The following SEL1L2 variants were observed in gnomAD, a reference collection of about 807,000 sequenced individuals.
The protein encoded by SEL1L2 is SEL1L2 adaptor subunit of SYVN1 ubiquitin ligase, also known as protein sel-1 homolog 2.
In SEL1L2, 89 loss-of-function variants were observed where a neutral mutation model predicts 98.8. The observed-to-expected ratio is 0.90, with a 90% confidence interval of 0.76 to 1.07. The LOEUF (loss-of-function observed/expected upper bound fraction) is 1.07, where lower values mean the gene tolerates loss of function less well. Among genes scored for constraint, SEL1L2 ranks in the 50% least tolerant of loss-of-function variants. SEL1L2 has a pLI of 0.00. For synonymous variants in SEL1L2, 262 were observed against 278.5 expected (o/e 0.94, Z 0.59); for missense variants, 788 against 812.0 (o/e 0.97, Z 0.36).
intron 2 of SEL1L2, among the ~76,000 whole-genome samples, chr20:13,952,985 C>G (rs944664799): frequency 3.7e-4 from 56 of 152,222 alleles, no homozygotes; most frequent in African/African-American, 1.3e-3. Context: ...TTCTTTTTTC[C>G]TCCTCTTTCC....
intron 11 of SEL1L2, among the ~76,000 whole-genome samples, chr20:13,877,181 G>T (rs1379703991): frequency 6.6e-6 from 1 of 152,148 alleles, no homozygotes; most frequent in Non-Finnish European, 1.5e-5. Context: ...TGTTATATGG[G>T]GCTTCTTCCC....
At chr20:13,956,245 A>G (rs1448900971) in intron 1 of SEL1L2, 114 bp from the exon 2 acceptor site, 1 of 574,298 alleles carries the variant, frequency 1.7e-6, no homozygotes, top group African/African-American at 2.0e-5. Flanking sequence ...CTCTAAGAAT[A>G]ATTGTTGACA....
intron 2 of SEL1L2, among the ~76,000 whole-genome samples, chr20:13,942,810 T>C (rs2148380535): frequency 6.6e-6 from 1 of 152,326 alleles, no homozygotes; most frequent in Non-Finnish European, 1.5e-5. Context: ...GGCTGGCAAT[T>C]TTAAACTTTA....
chr20:13,919,217 G>T, intron 3 of SEL1L2, 94 bp from the exon 4 acceptor site: 1 of 722,638 alleles, frequency 1.4e-6, no homozygotes, highest in Admixed American at 3.0e-5. Context: ...GCATATTAGA[G>T]TTCTGTTCTA....
chr20:13,889,974 T>G (rs983852697), intron 5 of SEL1L2, among the ~76,000 whole-genome samples: 2 of 152,140 alleles, frequency 1.3e-5, no homozygotes, highest in African/African-American at 4.8e-5. Context: ...ACAGGGACAA[T>G]GATTTAATTA....
intron 1 of SEL1L2, among the ~76,000 whole-genome samples, chr20:13,959,219 G>C (rs768770185): frequency 6.6e-6 from 1 of 152,070 alleles, no homozygotes; most frequent in Non-Finnish European, 1.5e-5. Context: ...AACATTTCTC[G>C]ATTGGATTGT....
intron 1 of SEL1L2, among the ~76,000 whole-genome samples, chr20:13,974,560 C>G (rs1261592077): frequency 7.3e-6 from 1 of 137,364 alleles, no homozygotes; most frequent in Admixed American, 8.1e-5. Flanking sequence ...CTTACTGCAA[C>G]CTCCGCCTCC....
intron 2 of SEL1L2, among the ~76,000 whole-genome samples, chr20:13,942,169 C>T (rs1672312673): frequency 6.6e-6 from 1 of 152,100 alleles, no homozygotes; most frequent in Admixed American, 6.6e-5. Context: ...GAGATGCTAT[C>T]GAGATATAAT....
In SEL1L2 at chr20:13,849,491, A is replaced by G. The variant is rs2073290; in HGVS notation, c.2061T>C (p.His687=). The stretch of plus-strand genomic sequence containing the variant: ...TTTTCCTGTGATCCGCATCCTACCC[A>G]TGGTGATTTCTAAGCAACAAAATCA... ...PGLILLLRNH[H]G Residue 687 remains histidine, a synonymous_variant, in exon 20 of 20, where the codon CAT becomes CAC. Transcript: ENST00000284951. The G allele has an allele frequency of 1.2e-6, 2 of 1,613,776 alleles. No homozygotes were observed. The highest frequency in any genetic ancestry group is 2.2e-5 in the East Asian group (1 of 44,870).
chr20:13,877,667 A>G, intron 10 of SEL1L2, 79 bp from the exon 11 acceptor site: 1 of 1,085,338 alleles, frequency 9.2e-7, no homozygotes, highest in South Asian at 1.3e-5. Context: ...AACTTTATTC[A>G]ATATGCATTC....
intron 2 of SEL1L2, among the ~76,000 whole-genome samples, chr20:13,954,344 G>A (rs1177801159): frequency 6.6e-6 from 1 of 152,100 alleles, no homozygotes; most frequent in Non-Finnish European, 1.5e-5. Context: ...AGTTCAGTGA[G>A]CTGAGGATAC....
At chr20:13,982,079 T>G (rs183708245) in intron 1 of SEL1L2, among the ~76,000 whole-genome samples, 1 of 152,290 alleles carries the variant, frequency 6.6e-6, no homozygotes, top group East Asian at 1.9e-4. Context: ...ACTGTGAGAT[T>G]GATGAGCTAT....
chr20:13,961,842 T>A (rs146591040), intron 1 of SEL1L2, among the ~76,000 whole-genome samples: 5 of 152,324 alleles, frequency 3.3e-5, no homozygotes, highest in Admixed American at 3.3e-4. Flanking sequence ...AACATGCACC[T>A]GGCTAGATTT....
At chr20:13,959,509 C>T (rs374499038) in intron 1 of SEL1L2, among the ~76,000 whole-genome samples, 14 of 152,272 alleles carry the variant, frequency 9.2e-5, no homozygotes, top group South Asian at 4.1e-4. Context: ...AATTCTTCTC[C>T]AGGACAAGGC....
intron 19 of SEL1L2, 74 bp downstream of exon 19, chr20:13,850,117 C>A: frequency 1.3e-6 from 2 of 1,566,924 alleles, no homozygotes; most frequent in South Asian, 1.2e-5. Flanking sequence ...CCCTGATGGG[C>A]CTTGTCACTT....
intron 3 of SEL1L2, among the ~76,000 whole-genome samples, chr20:13,929,293 C>T (rs1190117748): frequency 1.3e-5 from 2 of 151,930 alleles, no homozygotes; most frequent in Admixed American, 6.6e-5. Context: ...TGAACCCTGA[C>T]CACTACACTG....
chr20:13,901,995 G>A (rs746725431), intron 5 of SEL1L2, among the ~76,000 whole-genome samples: 1 of 152,092 alleles, frequency 6.6e-6, no homozygotes, highest in South Asian at 2.1e-4. Flanking sequence ...TATAGATTAA[G>A]GGGTGGTTTA....
At chr20:13,873,243 G>A (rs1437774032) in intron 12 of SEL1L2, among the ~76,000 whole-genome samples, 2 of 152,084 alleles carry the variant, frequency 1.3e-5, no homozygotes, top group African/African-American at 4.8e-5. Flanking sequence ...ACCAGCCTCA[G>A]CCTCCCAAAG....
chr20:13,866,335 T>C (rs545952304), intron 15 of SEL1L2, among the ~76,000 whole-genome samples: 1 of 152,256 alleles, frequency 6.6e-6, no homozygotes, highest in African/African-American at 2.4e-5. Flanking sequence ...GTGGGCTACA[T>C]TTTCTAGGCT....
Sources: allele counts gnomAD v4.1 joint callset (sites outside exome capture counted in the v4.1 genomes callset), GRCh38; gene constraint gnomAD v4.1.1; transcripts MANE v1.5; gene names NCBI Gene and HGNC (gene_info 2026-07-23, HGNC 2026-07-21).